Variants in KIAA1217 observed in about 807,000 individuals in gnomAD.
KIAA1217 encodes the protein KIAA1217.
In KIAA1217, 88 loss-of-function variants were observed where a neutral mutation model predicts 163.9. That is an observed-to-expected ratio of 0.54 (90% confidence interval 0.45 to 0.64). KIAA1217 has a LOEUF of 0.64. Ranked by LOEUF, KIAA1217 falls within the 30% of genes least tolerant of loss-of-function variation. KIAA1217 has a pLI of 0.00. For missense variants in KIAA1217, 2,372 were observed against 2,475.0 expected, an observed-to-expected ratio of 0.96 and a Z score of 0.88; for synonymous variants, 903 against 923.1, an observed-to-expected ratio of 0.98 and a Z score of 0.39.
intron 1 of KIAA1217, among the ~76,000 whole-genome samples, chr10:23,921,473 C>A (rs779160009): frequency 6.6e-6 from 1 of 152,228 alleles, no homozygotes; most frequent in South Asian, 2.1e-4. Flanking sequence ...TTGGTGTTGC[C>A]TATCCTCTCT....
intron 2 of KIAA1217, among the ~76,000 whole-genome samples, chr10:24,045,715 C>T (rs780973679): frequency 3.3e-5 from 5 of 152,220 alleles, no homozygotes; most frequent in Middle Eastern, 3.4e-3. Context: ...TCGTGTGCTT[C>T]ATTTACCTAA....
At chr10:23,700,010 T>C (rs1402024225) in intron 1 of KIAA1217, among the ~76,000 whole-genome samples, 1 of 152,190 alleles carries the variant, frequency 6.6e-6, no homozygotes, top group East Asian at 1.9e-4. Flanking sequence ...GAAGTATGCA[T>C]CACTTAGATA....
chr10:23,765,282 G>A (rs1355761322), intron 1 of KIAA1217, among the ~76,000 whole-genome samples: 4 of 137,920 alleles, frequency 2.9e-5, no homozygotes, highest in Non-Finnish European at 6.0e-5. Flanking sequence ...GCAAGCTCCC[G>A]GGTTCACGCC....
intron 3 of KIAA1217, among the ~76,000 whole-genome samples, chr10:24,431,609 G>A (rs1465931314): frequency 6.6e-6 from 1 of 152,100 alleles, no homozygotes; most frequent in East Asian, 1.9e-4. Context: ...GGCTGGGTTG[G>A]ACTCCTCAGA....
In KIAA1217 at chr10:24,433,201, G is replaced by A. The variant is rs764765371; in HGVS notation, c.752+8G>A. ...TGAATTAAATGATGTAAGGTAAGTTGTGACATCATTTTTTGCCTGCCATTT... is the reference window on the plus strand; with the variant it reads ...TGAATTAAATGATGTAAGGTAAGTTATGACATCATTTTTTGCCTGCCATTT... On this transcript the variant is annotated splice_region_variant and intron_variant, in intron 4 of 20. Coordinates refer to ENST00000376454, the MANE Select transcript of KIAA1217 (RefSeq NM_019590.5). The A allele has an allele frequency of 4.4e-6, 7 of 1,599,696 alleles. No individual in the cohort carries two copies. In the South Asian group the frequency reaches 6.7e-5, roughly 15 times the overall value.
intron 2 of KIAA1217, among the ~76,000 whole-genome samples, chr10:24,368,543 A>G (rs1183445134): frequency 1.3e-5 from 2 of 152,108 alleles, no homozygotes; most frequent in Admixed American, 1.3e-4. Context: ...ATTTTAAATT[A>G]TAATGCTGTT....
chr10:24,007,108 T>C (rs145810099), intron 1 of KIAA1217: 1 of 151,988 alleles, frequency 6.6e-6, no homozygotes, highest in African/African-American at 2.4e-5. Context: ...CTGTATATCA[T>C]AGAGGTATTT....
At chr10:24,348,924 A>T (rs1415271032) in intron 2 of KIAA1217, among the ~76,000 whole-genome samples, 1 of 152,184 alleles carries the variant, frequency 6.6e-6, no homozygotes, top group Non-Finnish European at 1.5e-5. Context: ...AGGTAGGAAG[A>T]TCATTTGAGA....
At chr10:23,858,858 A>G (rs1248808430) in intron 1 of KIAA1217, among the ~76,000 whole-genome samples, 2 of 152,170 alleles carry the variant, frequency 1.3e-5, no homozygotes, top group Admixed American at 6.5e-5. Flanking sequence ...TCTCCATCTT[A>G]TGATTCTATT....
chr10:24,251,160 A>T (rs1206110611), intron 2 of KIAA1217, among the ~76,000 whole-genome samples: 1 of 151,864 alleles, frequency 6.6e-6, no homozygotes, highest in Non-Finnish European at 1.5e-5. Flanking sequence ...CAGGAGGCGG[A>T]GGTTGCAGTG....
intron 2 of KIAA1217, among the ~76,000 whole-genome samples, chr10:24,256,936 T>C (rs2075225983): frequency 6.6e-6 from 1 of 152,206 alleles, no homozygotes; most frequent in South Asian, 2.1e-4. Context: ...TAGCCATTTA[T>C]ATGCAGGAGA....
At chr10:23,871,037 G>A (rs1160976846) in intron 1 of KIAA1217, among the ~76,000 whole-genome samples, 1 of 149,602 alleles carries the variant, frequency 6.7e-6, no homozygotes, top group Non-Finnish European at 1.5e-5. Flanking sequence ...TTTCCACAAA[G>A]CTGCATACTT....
At chr10:24,009,034 T>G (rs575342326) in intron 2 of KIAA1217, among the ~76,000 whole-genome samples, 1 of 152,308 alleles carries the variant, frequency 6.6e-6, no homozygotes, top group South Asian at 2.1e-4. Context: ...AAGTCATCCG[T>G]GGGAGGAGAC....
At chr10:23,972,450 A>G (rs1845354192) in intron 1 of KIAA1217, among the ~76,000 whole-genome samples, 1 of 152,178 alleles carries the variant, frequency 6.6e-6, no homozygotes, top group Admixed American at 6.5e-5. Context: ...GTATGAGATC[A>G]TGTCCTTTCC....
intron 13 of KIAA1217, among the ~76,000 whole-genome samples, chr10:24,525,712 T>C (rs2072038266): frequency 1.3e-5 from 2 of 152,242 alleles, no homozygotes; most frequent in East Asian, 3.9e-4. Context: ...CATGAGGCCA[T>C]GTGTGGTGGC....
chr10:23,902,798 T>C (rs1322033868), intron 1 of KIAA1217, among the ~76,000 whole-genome samples: 6 of 152,112 alleles, frequency 3.9e-5, no homozygotes, highest in African/African-American at 1.2e-4. Context: ...AACTGCCCCA[T>C]TGATTTGACA....
intron 2 of KIAA1217, among the ~76,000 whole-genome samples, chr10:24,380,420 G>A (rs1054822914): frequency 1.1e-4 from 17 of 152,208 alleles, no homozygotes; most frequent in African/African-American, 4.1e-4. Context: ...GAGGTCAGGA[G>A]TTCAAGAGTA....
chr10:24,476,944 A>T (rs1265529868), intron 6 of KIAA1217, among the ~76,000 whole-genome samples: 5 of 152,094 alleles, frequency 3.3e-5, no homozygotes, highest in African/African-American at 9.7e-5. Flanking sequence ...TTGCTGAAAG[A>T]CCTAAACACT....
intron 2 of KIAA1217, among the ~76,000 whole-genome samples, chr10:24,292,751 G>T (rs1455042411): frequency 1.3e-5 from 2 of 152,140 alleles, no homozygotes; most frequent in African/African-American, 2.4e-5. Context: ...GAGTTTCCAC[G>T]GAATGAAGGT....
Sources: allele counts gnomAD v4.1 joint callset (sites outside exome capture counted in the v4.1 genomes callset), GRCh38; gene constraint gnomAD v4.1.1; transcripts MANE v1.5; gene names NCBI Gene and HGNC (gene_info 2026-07-23, HGNC 2026-07-21).